CAMTA1: variants seen among roughly 807,000 people sequenced by gnomAD.
CAMTA1 encodes the protein calmodulin binding transcription activator 1.
In CAMTA1, 27 loss-of-function variants were observed where a neutral mutation model predicts 170.9. The ratio of observed to expected loss-of-function variants is 0.16; its 90% CI spans 0.12 to 0.22. The LOEUF is 0.22. Ranked by LOEUF, CAMTA1 falls within the 10% of genes least tolerant of loss-of-function variation. The pLI, the probability that CAMTA1 is intolerant of heterozygous loss-of-function variation, is 1.00. For synonymous variants in CAMTA1, 833 were observed against 891.5 expected (o/e 0.93, Z 1.17); for missense variants, 1,619 against 2,217.2 (o/e 0.73, Z 5.42).
At chr1:7,524,843 T>A (rs538489344) in intron 6 of CAMTA1, among the ~76,000 whole-genome samples, 37 of 152,234 alleles carry the variant, frequency 2.4e-4, no homozygotes, top group South Asian at 8.3e-4. Context: ...CTCGCAATCC[T>A]GTCCTCTACC....
rs554730482 is a variant in CAMTA1, at chr1:6,985,492, C to T, written c.235-105812C>T. 6.6e-5 allele frequency among the ~76,000 whole-genome samples: 10 copies of T among 152,358 alleles called. No individual in the cohort carries two copies. In the South Asian group the frequency reaches 2.1e-3, roughly 32 times the overall value. On this transcript the variant is annotated intron_variant, in intron 3 of 22. Coordinates refer to ENST00000303635, the MANE Select transcript of CAMTA1 (RefSeq NM_015215.4). The stretch of plus-strand genomic sequence containing the variant: ...AATAAGGGAAGGAACCATTATATCA[C>T]CCTACTTCAGTGCTTTTTGTCATTA...
intron 1 of CAMTA1, among the ~76,000 whole-genome samples, chr1:6,813,427 T>C (rs921170224): frequency 1.1e-4 from 17 of 151,806 alleles, no homozygotes; most frequent in African/African-American, 3.6e-4. Context: ...AGTTTTAGTT[T>C]GGTTTTCTTG....
At chr1:7,374,064 C>G (rs1037584180) in intron 5 of CAMTA1, among the ~76,000 whole-genome samples, 18 of 152,322 alleles carry the variant, frequency 1.2e-4, no homozygotes, top group Admixed American at 5.9e-4. Flanking sequence ...TGCCTCCCCG[C>G]CTCACTGGCA....
chr1:7,197,628 C>CCACACACA (rs3222484), intron 4 of CAMTA1, among the ~76,000 whole-genome samples: 2,270 of 109,814 alleles, frequency 0.021, 43 homozygotes, highest in Non-Finnish European at 0.031. Context: ...TTGTCCCCCA[C>CCACACACA]CACACACACA....
intron 6 of CAMTA1, among the ~76,000 whole-genome samples, chr1:7,554,392 A>G (rs941928728): frequency 3.3e-5 from 5 of 152,014 alleles, no homozygotes; most frequent in African/African-American, 1.2e-4. Context: ...TTAGTTCTAA[A>G]CCACTTGCCT....
chr1:7,523,796 T>C (rs1260571662), intron 6 of CAMTA1, among the ~76,000 whole-genome samples: 1 of 149,286 alleles, frequency 6.7e-6, no homozygotes, highest in East Asian at 2.0e-4. Flanking sequence ...GGCAGGAAAA[T>C]GGCGTGAACC....
At chr1:6,910,763 C>T (rs1342230581) in intron 3 of CAMTA1, among the ~76,000 whole-genome samples, 1 of 152,178 alleles carries the variant, frequency 6.6e-6, no homozygotes, top group African/African-American at 2.4e-5. Flanking sequence ...GTGTGCTTGC[C>T]TGTCACCTAC....
rs1419667058 is a variant in CAMTA1, at chr1:7,435,974, G to A, written c.439-31856G>A. Among the ~76,000 whole-genome samples, 2 of 152,188 alleles carry A rather than the reference G, an allele frequency of 1.3e-5. No individual in the cohort carries two copies. The highest frequency in any genetic ancestry group is 2.9e-5 in the Non-Finnish European group (2 of 68,034). On this transcript the variant is annotated intron_variant, in intron 5 of 22. Transcript: ENST00000303635. The surrounding 1 kb of genome is among the most constrained non-coding windows in gnomAD (Gnocchi z 4.4). ...AGGAGGGAGCTGGGAAGCTCCCCAT[G>A]CCACCACCCTGAGCTTGCAGCAGAG...
Position 7,736,546 on chromosome 1 carries a change from G to T in CAMTA1, c.3263+6G>T. 1 of 1,613,300 alleles carries T rather than the reference G, an allele frequency of 6.2e-7. No homozygotes were observed. Among genetic ancestry groups the T allele is most frequent in the South Asian group, 1.1e-5 (1 of 91,076 alleles). On this transcript the variant is annotated splice_donor_region_variant and intron_variant, in intron 13 of 22. Transcript: ENST00000303635. The surrounding 1 kb of genome is among the most constrained non-coding windows in gnomAD (Gnocchi z 4.5). ...CAGACCCTCATCAAATGGCGGTAAG[G>T]CTGTGGTGCAGCTGGCTGGGGGTCA...
chr1:7,496,859 A>T (rs1419521914), intron 6 of CAMTA1, among the ~76,000 whole-genome samples: 1 of 151,566 alleles, frequency 6.6e-6, no homozygotes, highest in Non-Finnish European at 1.5e-5. Context: ...CAGGGCTGCT[A>T]GTCACTGCAC....
chr1:7,411,556 A>C (rs996411576), intron 5 of CAMTA1, among the ~76,000 whole-genome samples: 9 of 133,464 alleles, frequency 6.7e-5, no homozygotes, highest in Non-Finnish European at 9.6e-5. Context: ...AAAAAAAAAA[A>C]GGAATTAGTA....
intron 5 of CAMTA1, among the ~76,000 whole-genome samples, chr1:7,302,807 A>C (rs541665189): frequency 1.2e-3 from 190 of 152,308 alleles, no homozygotes; most frequent in African/African-American, 4.3e-3. Flanking sequence ...ACATGGATTC[A>C]ATAAACGTGG....
chr1:7,108,392 T>C (rs1236569425), intron 4 of CAMTA1, among the ~76,000 whole-genome samples: 2 of 152,102 alleles, frequency 1.3e-5, no homozygotes, highest in Non-Finnish European at 2.9e-5. Context: ...ATGATGATGA[T>C]CTCCCCAGGA....
chr1:7,187,806 T>C (rs180946737), intron 4 of CAMTA1, among the ~76,000 whole-genome samples: 5 of 152,312 alleles, frequency 3.3e-5, no homozygotes, highest in Admixed American at 1.3e-4. Context: ...GGCCAGGGTC[T>C]GTATTTGCAT....
intron 10 of CAMTA1, among the ~76,000 whole-genome samples, chr1:7,675,574 T>C (rs527407501): frequency 6.6e-6 from 1 of 152,276 alleles, no homozygotes; most frequent in African/African-American, 2.4e-5. Context: ...CCTGGTTTCC[T>C]GTAGGGGTGC....
chr1:6,788,283 C>T (rs906196491), intron 1 of CAMTA1, among the ~76,000 whole-genome samples: 1 of 152,160 alleles, frequency 6.6e-6, no homozygotes, highest in Admixed American at 6.5e-5. Flanking sequence ...CTCATCCTCC[C>T]CAACAAGTTC....
rs776085509 is a variant in CAMTA1 at position 7,685,211 on chromosome 1, G to A, written c.2914+7478G>A. Among the ~76,000 whole-genome samples the A allele has an allele frequency of 2.0e-5, 3 of 152,200 alleles. No individual in the cohort carries two copies. The highest frequency in any genetic ancestry group is 2.1e-4 in the South Asian group (1 of 4,832). ...GGAGCATCACAGGAAGTACAGTTCC[G>A]TTCAGTGTTTATTGAGCATTTACTA... On this transcript the variant is annotated intron_variant, in intron 11 of 22. Coordinates refer to ENST00000303635, the MANE Select transcript of CAMTA1 (RefSeq NM_015215.4). This position sits in a 1 kb window ranked among gnomAD's most constrained non-coding sequence, Gnocchi z 5.7.
chr1:7,072,915 T>C (rs1638831590), intron 3 of CAMTA1, among the ~76,000 whole-genome samples: 1 of 151,896 alleles, frequency 6.6e-6, no homozygotes, highest in African/African-American at 2.4e-5. Context: ...GACAGATAGG[T>C]CATTGGGAGG....
chr1:7,563,995 G>C (rs1437417576), intron 6 of CAMTA1, among the ~76,000 whole-genome samples: 1 of 152,200 alleles, frequency 6.6e-6, no homozygotes, highest in Non-Finnish European at 1.5e-5. Flanking sequence ...CCCAGGCCTT[G>C]GGTGTCATGA....
Sources: gnomAD v4.1 joint callset for allele counts (sites outside exome capture counted in the v4.1 genomes callset) on GRCh38, gnomAD v4.1.1 for gene constraint, Gnocchi (gnomAD v3.1) non-coding constraint, MANE v1.5 for transcripts, NCBI Gene and HGNC (gene_info 2026-07-23, HGNC 2026-07-21) for gene names.